The following PATJ variants were observed in gnomAD, a reference collection of about 807,000 sequenced individuals.
The protein encoded by PATJ is inaD-like protein.
PATJ carries 190 observed loss-of-function variants against 224.9 expected under a neutral mutation model. The observed-to-expected ratio is 0.84, with a 90% CI of 0.75 to 0.95. The LOEUF (loss-of-function observed/expected upper bound fraction) is 0.95. PATJ is among the 40% of genes least tolerant of loss of function. PATJ has a pLI of 0.00. For synonymous variants in PATJ, 769 were observed against 820.3 expected, an observed-to-expected ratio of 0.94 and a Z score of 1.07; for missense variants, 2,121 against 2,270.3, an observed-to-expected ratio of 0.93 and a Z score of 1.34.
At chr1:62,012,620 T>C (rs185196404) in intron 28 of PATJ, among the ~76,000 whole-genome samples, 172 of 152,336 alleles carry the variant, frequency 1.1e-3, no homozygotes, top group South Asian at 3.7e-3. Flanking sequence ...CAACTAGTTA[T>C]TGAATTTTCA....
At position 61,974,098 on chromosome 1, in the gene PATJ, C is replaced by T. The variant is rs555560970; in HGVS notation, c.3671-16070C>T. ...ACCAGCACTTCATACAGGACTACTT[C>T]TGGTGATCCTGGGACCACAGTGGGA... On this transcript the variant is annotated intron_variant, in intron 27 of 43. Coordinates refer to ENST00000642238, the MANE Select transcript of PATJ (RefSeq NM_001350145.3). Among the ~76,000 whole-genome samples the T allele has an allele frequency of 9.9e-5, 15 of 151,814 alleles. No individual in the cohort carries two copies. The East Asian group carries it at 2.7e-3, about 27-fold the overall frequency.
At chr1:61,894,272 C>CAAAAAAA (rs1553194681) in intron 22 of PATJ, among the ~76,000 whole-genome samples, 3 of 144,590 alleles carry the variant, frequency 2.1e-5, no homozygotes, top group East Asian at 2.0e-4. Context: ...AAAAAAAACA[C>CAAAAAAA]AAAAAAAAAA....
intron 16 of PATJ, among the ~76,000 whole-genome samples, chr1:61,833,116 AT>A (rs959831676): frequency 1.9e-4 from 28 of 150,292 alleles, no homozygotes; most frequent in Admixed American, 6.0e-4. Context: ...AAAGACTTGG[AT>A]TTTTTTTTTC....
At chr1:62,038,181 A>G in intron 30 of PATJ, 132 bp downstream of exon 30, 1 of 513,224 alleles carries the variant, frequency 1.9e-6, no homozygotes, top group Non-Finnish European at 3.5e-6. Flanking sequence ...CCAAAATGGA[A>G]AGTATTGAGG....
intron 16 of PATJ, among the ~76,000 whole-genome samples, chr1:61,831,994 A>T (rs1055086473): frequency 2.6e-5 from 4 of 152,248 alleles, no homozygotes; most frequent in African/African-American, 9.6e-5. Context: ...CTATCCAGCC[A>T]TAAAAAAGAA....
intron 31 of PATJ, among the ~76,000 whole-genome samples, chr1:62,074,600 A>G (rs963044896): frequency 6.6e-6 from 1 of 152,144 alleles, no homozygotes; most frequent in Non-Finnish European, 1.5e-5. Flanking sequence ...CATCTGGCCA[A>G]TTATAATTTT....
intron 8 of PATJ, among the ~76,000 whole-genome samples, chr1:61,790,668 C>T (rs1649657870): frequency 6.6e-6 from 1 of 151,926 alleles, no homozygotes; most frequent in Admixed American, 6.6e-5. Flanking sequence ...CATGTGCCAC[C>T]ATGCCTGGCT....
At chr1:61,798,748 G>A (rs72929636) in intron 11 of PATJ, among the ~76,000 whole-genome samples, 5,108 of 149,676 alleles carry the variant, frequency 0.034, 267 homozygotes, top group African/African-American at 0.1. Context: ...AACATTAGCC[G>A]GGCCTGGTGG....
At chr1:62,108,798 A>C (rs1570635776) in intron 34 of PATJ, among the ~76,000 whole-genome samples, 1 of 152,032 alleles carries the variant, frequency 6.6e-6, no homozygotes, top group Non-Finnish European at 1.5e-5. Context: ...ACTATATAAT[A>C]TTGCAAATTT....
chr1:61,775,022 C>T (rs1198716122), intron 6 of PATJ, among the ~76,000 whole-genome samples, 184 bp from the exon 7 acceptor site: 2 of 152,144 alleles, frequency 1.3e-5, no homozygotes, highest in Non-Finnish European at 2.9e-5. Flanking sequence ...TTATAAGATC[C>T]CTACGGTCAG....
chr1:62,005,444 T>TA (rs1234822965), intron 28 of PATJ, among the ~76,000 whole-genome samples: 1 of 151,546 alleles, frequency 6.6e-6, no homozygotes, highest in Admixed American at 6.6e-5. Flanking sequence ...GTCTGTGTGT[T>TA]ACATTCAGTA....
In PATJ at chr1:61,875,309, G is replaced by A; in HGVS notation, c.2902G>A (p.Gly968Ser). 1 of 1,610,930 alleles carries A rather than the reference G, an allele frequency of 6.2e-7. No homozygotes were observed. The change falls in exon 21 of 44, where the codon GGC (glycine) becomes AGC (serine). Residue 968 changes from glycine (G) to serine (S), a missense_variant. Transcript: ENST00000642238. ...ATCAACTGAAGGAAACAGTCAACAA[G>A]GCAGATTTGACGACCTGGAAAATCT... Reference protein sequence around the residue: ...VPSTEGNSQQGRFDDLENLNS... With the variant: ...VPSTEGNSQQSRFDDLENLNS...
At chr1:61,748,556 A>G (rs1399658829) in intron 1 of PATJ, among the ~76,000 whole-genome samples, 1 of 152,050 alleles carries the variant, frequency 6.6e-6, no homozygotes, top group East Asian at 1.9e-4. Context: ...GCGCCTGGCC[A>G]TGTAAATGGA....
intron 34 of PATJ, among the ~76,000 whole-genome samples, chr1:62,110,202 T>C (rs113071764): frequency 7.9e-5 from 12 of 152,220 alleles, no homozygotes; most frequent in African/African-American, 2.9e-4. Context: ...AACACTTGTT[T>C]AGCTAAGAAA....
chr1:62,009,771 AC>A (rs1646317127), intron 28 of PATJ, among the ~76,000 whole-genome samples: 1 of 152,064 alleles, frequency 6.6e-6, no homozygotes, highest in African/African-American at 2.4e-5. Context: ...AAGCATCTCC[AC>A]CGGGAGATTT....
chr1:62,003,294 A>G (rs190948090), intron 28 of PATJ, among the ~76,000 whole-genome samples: 1 of 152,344 alleles, frequency 6.6e-6, no homozygotes, highest in Admixed American at 6.5e-5. Flanking sequence ...ATTTTCTCGA[A>G]GTCAGTATTT....
At chr1:61,816,784 G>A (rs1656194410) in intron 14 of PATJ, among the ~76,000 whole-genome samples, 1 of 152,114 alleles carries the variant, frequency 6.6e-6, no homozygotes, top group Non-Finnish European at 1.5e-5. Context: ...CTTTTTAAGT[G>A]GAGAACGTAA....
chr1:61,915,311 A>AG (rs921392202), intron 26 of PATJ, among the ~76,000 whole-genome samples: 3 of 152,172 alleles, frequency 2.0e-5, no homozygotes, highest in African/African-American at 4.8e-5. Flanking sequence ...TCAGGTTACA[A>AG]GGGGGAGTCT....
At position 61,915,987 on chromosome 1, in the gene PATJ, G is replaced by A. The variant is rs369566337; in HGVS notation, c.3570+1323G>A. Among the ~76,000 whole-genome samples the A allele has an allele frequency of 9.2e-5, 14 of 152,122 alleles. No homozygotes were observed. The East Asian group carries it at 1.9e-3, about 21-fold the overall frequency. ...TTGGATTACAGGCATGAGCTGCTGCGCCTGGCCTATAATTTTCTTTAAAAA... is the reference window on the plus strand; with the variant it reads ...TTGGATTACAGGCATGAGCTGCTGCACCTGGCCTATAATTTTCTTTAAAAA... On this transcript the variant is annotated intron_variant, in intron 26 of 43. Coordinates refer to ENST00000642238, the MANE Select transcript of PATJ (RefSeq NM_001350145.3).
Sources: gnomAD v4.1 joint callset for allele counts (sites outside exome capture counted in the v4.1 genomes callset) on GRCh38, gnomAD v4.1.1 for gene constraint, MANE v1.5 for transcripts, NCBI Gene and HGNC (gene_info 2026-07-23, HGNC 2026-07-21) for gene names.